SCLT1: variants seen among roughly 807,000 people sequenced by gnomAD.
SCLT1 encodes the protein sodium channel and clathrin linker 1.
In SCLT1, 78 loss-of-function variants were observed where a neutral mutation model predicts 112.8. The ratio of observed to expected loss-of-function variants is 0.69; its 90% CI spans 0.58 to 0.83. The LOEUF is 0.83. Among genes scored for constraint, SCLT1 ranks in the 40% least tolerant of loss-of-function variants. SCLT1 has a pLI of 0.00. For synonymous variants in SCLT1, 257 were observed against 254.7 expected (o/e 1.01, Z -0.09); for missense variants, 747 against 770.4 (o/e 0.97, Z 0.36).
chr4:128,913,881 T>C (rs1378917608), intron 18 of SCLT1, among the ~76,000 whole-genome samples: 1 of 152,196 alleles, frequency 6.6e-6, no homozygotes, highest in Non-Finnish European at 1.5e-5. Context: ...CAGGGATTTT[T>C]GCCTGTTTTG....
intron 5 of SCLT1, among the ~76,000 whole-genome samples, chr4:129,028,390 G>C (rs1441869163): frequency 2.0e-5 from 3 of 152,096 alleles, no homozygotes; most frequent in African/African-American, 7.2e-5. Flanking sequence ...ACAACTATCT[G>C]ATCTTTGACA....
intron 4 of SCLT1, among the ~76,000 whole-genome samples, chr4:128,876,066 A>G (rs886705151): frequency 1.3e-5 from 2 of 152,216 alleles, no homozygotes; most frequent in Admixed American, 6.5e-5. Context: ...ACATGCAGAA[A>G]TTAGCATATA....
intron 1 of SCLT1, among the ~76,000 whole-genome samples, chr4:129,090,889 T>G (rs73848903): frequency 0.014 from 2,146 of 152,250 alleles, 52 homozygotes; most frequent in African/African-American, 0.046. Flanking sequence ...AAAGCTGAAA[T>G]AGTAATTATC....
intron 1 of SCLT1, among the ~76,000 whole-genome samples, chr4:129,085,264 A>G (rs1255778234): frequency 6.6e-6 from 1 of 152,246 alleles, no homozygotes; most frequent in Non-Finnish European, 1.5e-5. Flanking sequence ...TACAAAAAAA[A>G]GCTCAACATC....
chr4:128,979,853 A>C (rs1360197121), intron 9 of SCLT1, among the ~76,000 whole-genome samples: 1 of 152,236 alleles, frequency 6.6e-6, no homozygotes, highest in Non-Finnish European at 1.5e-5. Context: ...CCAAACAAGA[A>C]ATGTTAATAC....
chr4:128,957,835 C>T (rs1739346217), intron 12 of SCLT1, among the ~76,000 whole-genome samples: 2 of 152,118 alleles, frequency 1.3e-5, no homozygotes, highest in Admixed American at 1.3e-4. Context: ...ACTTTCCTCT[C>T]CTTGTTGTAC....
intron 8 of SCLT1, 90 bp downstream of exon 8, chr4:128,997,784 G>T: frequency 1.7e-6 from 1 of 595,840 alleles, no homozygotes; most frequent in Non-Finnish European, 2.8e-6. Flanking sequence ...CTAATTTCGT[G>T]CAGCATGCTT....
chr4:129,001,128 C>T (rs562844484), intron 6 of SCLT1, among the ~76,000 whole-genome samples: 2 of 152,026 alleles, frequency 1.3e-5, no homozygotes, highest in African/African-American at 4.8e-5. Context: ...GTAAAATGGT[C>T]GTAAAAATGC....
chr4:128,896,872 C>T (rs939948559), intron 18 of SCLT1, among the ~76,000 whole-genome samples: 12 of 151,538 alleles, frequency 7.9e-5, no homozygotes, highest in East Asian at 1.9e-4. Flanking sequence ...AACTACCTGA[C>T]GAATGCACAA....
intron 5 of SCLT1, among the ~76,000 whole-genome samples, chr4:129,009,795 A>T (rs1311146331): frequency 6.6e-6 from 1 of 152,074 alleles, no homozygotes; most frequent in African/African-American, 2.4e-5. Context: ...CCATTTTTCA[A>T]TAAGGTTTGA....
chr4:128,958,201 C>T (rs549089278), intron 12 of SCLT1, among the ~76,000 whole-genome samples: 10 of 152,280 alleles, frequency 6.6e-5, no homozygotes, highest in African/African-American at 2.4e-4. Context: ...GTACCATACA[C>T]ATTTTTACCT....
intron 14 of SCLT1, among the ~76,000 whole-genome samples, chr4:128,951,184 A>C (rs2126001167): frequency 6.6e-6 from 1 of 152,290 alleles, no homozygotes. Flanking sequence ...AATAGAAAAC[A>C]ATAGCAAGCA....
intron 18 of SCLT1, among the ~76,000 whole-genome samples, chr4:128,904,952 C>G: frequency 6.6e-6 from 1 of 152,142 alleles, no homozygotes; most frequent in East Asian, 1.9e-4. Context: ...GTGTTAGGTT[C>G]TTTCTTTCCC....
Position 129,058,844 on chromosome 4 carries a change from T to C in SCLT1, c.103-14793A>G, listed in dbSNP as rs145011333. Among the ~76,000 whole-genome samples, 187 of 152,286 alleles carry C rather than the reference T, an allele frequency of 1.2e-3. 1 individual carries two copies. The highest frequency in any genetic ancestry group is 3.7e-3 in the African/African-American group (154 of 41,576). ...TTGTATTACAGTCTATCTATCACTT[T>C]AGATAAAATATTTATAATTGTTATA... On this transcript the variant is annotated intron_variant, in intron 2 of 20. Coordinates refer to ENST00000281142, the MANE Select transcript of SCLT1 (RefSeq NM_144643.4).
intron 5 of SCLT1, among the ~76,000 whole-genome samples, chr4:129,017,214 G>A (rs1014728773): frequency 6.6e-6 from 1 of 151,940 alleles, no homozygotes; most frequent in Admixed American, 6.6e-5. Context: ...ATTTGTATGT[G>A]TGTATGTGGT....
intron 5 of SCLT1, chr4:129,036,568 C>T (rs1747200062): frequency 6.6e-6 from 1 of 151,170 alleles, no homozygotes; most frequent in African/African-American, 2.4e-5. Flanking sequence ...GGGAAAAAAA[C>T]AAAAATAAAT....
chr4:129,078,235 T>C (rs1000723475), intron 2 of SCLT1, among the ~76,000 whole-genome samples: 1 of 152,230 alleles, frequency 6.6e-6, no homozygotes, highest in Non-Finnish European at 1.5e-5. Flanking sequence ...TGAGCTTTAA[T>C]TAGTATAATC....
intron 11 of SCLT1, among the ~76,000 whole-genome samples, 165 bp downstream of exon 11, chr4:128,965,062 A>G (rs181229303): frequency 1.3e-5 from 2 of 152,358 alleles, no homozygotes; most frequent in East Asian, 3.9e-4. Context: ...TGTTGAATAT[A>G]GTTTTTAATA....
At chr4:128,950,091 TGA>T (rs1738589313) in intron 14 of SCLT1, among the ~76,000 whole-genome samples, 1 of 152,166 alleles carries the variant, frequency 6.6e-6, no homozygotes, top group African/African-American at 2.4e-5. Context: ...GATAGAACCC[TGA>T]GTGTATACAA....
Sources: gnomAD v4.1 joint callset for allele counts (sites outside exome capture counted in the v4.1 genomes callset) on GRCh38, gnomAD v4.1.1 for gene constraint, MANE v1.5 for transcripts, NCBI Gene and HGNC (gene_info 2026-07-23, HGNC 2026-07-21) for gene names.